Variants in DNAJC14 observed in about 807,000 individuals in gnomAD.
DNAJC14 encodes the protein dnaJ homolog subfamily C member 14.
DNAJC14 carries 12 observed loss-of-function variants against 68.8 expected under a neutral mutation model. The observed-to-expected ratio is 0.17, with a 90% confidence interval of 0.11 to 0.28. The LOEUF is 0.28. Among genes scored for constraint, DNAJC14 ranks in the 10% least tolerant of loss-of-function variants. The probability of loss-of-function intolerance (pLI) is 1.00; values close to 1 mark genes in which losing one functional copy is unlikely to be tolerated. For missense variants in DNAJC14, 764 were observed against 875.6 expected (o/e 0.87, Z 1.61); for synonymous variants, 350 against 321.5 (o/e 1.09, Z -0.95).
chr12:55,827,115 C>T lies in DNAJC14; in HGVS notation c.1407+137G>A, dbSNP rs577143833. On this transcript the variant is annotated intron_variant, in intron 2 of 6. Coordinates refer to ENST00000678005, the MANE Select transcript of DNAJC14 (RefSeq NM_032364.6). ...CTGAGGCAGGAGAATCGCTTGAACC[C>T]AGGAGGCGGAGGTTGTAGTGAGCTG... 22 of 876,536 alleles carry T rather than the reference C, an allele frequency of 2.5e-5. 1 individual carries two copies. The East Asian group carries it at 3.6e-4, about 14-fold the overall frequency. 54.3% of individuals were successfully genotyped at this position (876,536 alleles called of 1,614,324 possible).
Position 55,822,425 on chromosome 12 carries a change from G to A in DNAJC14, c.1846C>T (p.Pro616Ser), listed in dbSNP as rs748686971. 1.9e-6 allele frequency: 3 copies of A among 1,613,594 alleles called. No homozygotes were observed. Among genetic ancestry groups the A allele is most frequent in the South Asian group, 2.2e-5 (2 of 91,028 alleles). Residue 616 changes from proline (P) to serine (S), a missense_variant, in exon 6 of 7, where the codon CCC becomes TCC. Pro to Ser is a moderately conservative substitution (Grantham distance 74). This residue lies in a region of DNAJC14 where 134 missense variants were observed against 162.3 expected (regional missense o/e 0.83). Coordinates refer to ENST00000678005, the MANE Select transcript of DNAJC14 (RefSeq NM_032364.6). ...CGAGAACCAAATGAGATGTGATAGG[G>A]GACTCTGTGGGTATCTGGGGAGATA... ...VGISPDTHRV[P>S]YHISFGSRIP...
chr12:55,826,462 G>A (rs1048321854), intron 2 of DNAJC14, among the ~76,000 whole-genome samples: 1 of 151,690 alleles, frequency 6.6e-6, no homozygotes, highest in African/African-American at 2.4e-5. Flanking sequence ...TCACAGGTGT[G>A]AGCCACTGCA....
rs1880910430 is a variant in DNAJC14, at chr12:55,829,485, G to T, written c.-57+4C>A. 2 of 982,980 alleles carry T rather than the reference G, an allele frequency of 2.0e-6. No homozygotes were observed. The highest frequency in any genetic ancestry group is 2.4e-6 in the Non-Finnish European group (2 of 829,494). The allele number at this position is 982,980 out of a possible 1,614,324, so 60.9% of individuals were successfully genotyped here. ...AACGAAAAAAAAAAAAAAGACGGAC[G>T]TACCGAAGAACGGCGGTAACTCCTC... On this transcript the variant is annotated splice_donor_region_variant and intron_variant, in intron 1 of 6. Transcript: ENST00000678005.
At position 55,821,109 on chromosome 12, in the gene DNAJC14, C is replaced by T. The variant is rs1040120139; in HGVS notation, c.*868G>A. 9 of 152,614 alleles carry T rather than the reference C, an allele frequency of 5.9e-5. No homozygotes were observed. Among genetic ancestry groups the T allele is most frequent in the Non-Finnish European group, 1.2e-4 (8 of 68,034 alleles). 9.5% of individuals were successfully genotyped at this position (152,614 alleles called of 1,614,324 possible). A position where few individuals can be genotyped will look rare whatever the true frequency, so the allele number is the denominator to read the frequency against. On this transcript the variant is annotated 3_prime_UTR_variant, in exon 7 of 7. Transcript: ENST00000678005. ...TCACATGGGGGCTTCTGGGAACCCC[C>T]GTATTCTTCCCCCTCACCCAAGGGC...
chr12:55,827,836 C>G lies in DNAJC14; in HGVS notation c.823G>C (p.Ala275Pro), dbSNP rs762949402. The change falls in exon 2 of 7, where the codon GCC becomes CCC. Residue 275 changes from alanine to proline, a missense_variant. By Grantham distance (27) the Ala-to-Pro change is conservative (BLOSUM62 -1). Transcript: ENST00000678005. Reference protein sequence around the residue: ...YVETCGHLIYACRQLKSSDLD... With the variant: ...YVETCGHLIYPCRQLKSSDLD... Reference sequence around the variant, plus strand: ...TCACTGCTTTTCAGTTGCCTGCAGGCATAGATGAGATGGCCACAAGTTTCT... The same window carrying G: ...TCACTGCTTTTCAGTTGCCTGCAGGGATAGATGAGATGGCCACAAGTTTCT... 1.9e-6 allele frequency: 3 copies of G among 1,613,980 alleles called. No individual in the cohort carries two copies. The highest frequency in any genetic ancestry group is 2.2e-5 in the South Asian group (2 of 91,062).
rs754801789 is a variant in DNAJC14 at position 55,827,452 on chromosome 12, A to G, written c.1207T>C (p.Trp403Arg). Residue 403 changes from tryptophan (W) to arginine (R), a missense_variant, in exon 2 of 7, where the codon TGG becomes CGG. This residue lies in a region of DNAJC14 where 514 missense variants were observed against 521.7 expected (regional missense o/e 0.99). Transcript: ENST00000678005. ...TGCCTATTAATATTCTGCTTGACCC[A>G]AGGCAACTCCAGCCAGCCCCACTGA... ...IVQWGWLELP[W>R]VKQNINRQGN... 4 of 1,604,944 alleles carry G rather than the reference A, an allele frequency of 2.5e-6. No homozygotes were observed. Among genetic ancestry groups the G allele is most frequent in the South Asian group, 2.2e-5 (2 of 90,574 alleles).
rs187204947 is a variant in DNAJC14 at position 55,828,039 on chromosome 12, G to C, written c.620C>G (p.Thr207Ser). The C allele has an allele frequency of 3.6e-5, 58 of 1,613,178 alleles. No individual in the cohort carries two copies. In the Middle Eastern group the frequency reaches 1.2e-3, roughly 32 times the overall value. The change falls in exon 2 of 7, where the codon ACT becomes AGT. Residue 207 changes from threonine (T) to serine (S), a missense_variant. This residue lies in a region of DNAJC14 where 514 missense variants were observed against 521.7 expected (regional missense o/e 0.99). Transcript: ENST00000678005. ...QRHRFPTKED[T>S]REGGRRDPRS... Reference sequence around the variant, plus strand: ...GGGATCCCTACGTCCACCCTCCCGAGTATCCTCCTTCGTTGGAAAGCGGTG... The same window carrying C: ...GGGATCCCTACGTCCACCCTCCCGACTATCCTCCTTCGTTGGAAAGCGGTG...
chr12:55,823,102 A>G lies in DNAJC14; in HGVS notation c.1602T>C (p.Thr534=). 1 of 1,614,160 alleles carries G rather than the reference A, an allele frequency of 6.2e-7. No homozygotes were observed. The highest frequency in any genetic ancestry group is 8.5e-7 in the Non-Finnish European group (1 of 1,180,026). ...TTCCTTGGCATCGGCTACACATCATAGTATTCATTGCCTCCTTGAGGTCAT... is the reference window on the plus strand; with the variant it reads ...TTCCTTGGCATCGGCTACACATCATGGTATTCATTGCCTCCTTGAGGTCAT... ...LQDDLKEAMN[T]MMCSRCQGKH... Residue 534 remains threonine, a synonymous_variant, in exon 4 of 7, where the codon ACT becomes ACC. Coordinates refer to ENST00000678005, the MANE Select transcript of DNAJC14 (RefSeq NM_032364.6).
Position 55,827,906 on chromosome 12 carries a change from G to C in DNAJC14, c.753C>G (p.Gly251=). 6.2e-7 allele frequency: 1 copy of C among 1,607,694 alleles called. No homozygotes were observed. Among genetic ancestry groups the C allele is most frequent in the Non-Finnish European group, 8.5e-7 (1 of 1,175,370 alleles). The change falls in exon 2 of 7, where the codon GGC becomes GGG. Residue 251 remains glycine (G), a synonymous_variant. Coordinates refer to ENST00000678005, the MANE Select transcript of DNAJC14 (RefSeq NM_032364.6). ...CCAGCAGTTCAATCAGCCACCAAAA[G>C]CCTGCCTGTCCAAGTTGACATAGTT... ...AEELCQLGQA[G]FWWLIELLVL... is the part of the protein sequence containing the mutation.
rs934452891 is a variant in DNAJC14 at position 55,822,180 on chromosome 12, G to C, written c.1906C>G (p.Pro636Ala). The change falls in exon 7 of 7, where the codon CCA (proline) becomes GCA (alanine). Residue 636 changes from proline to alanine, a missense_variant. Transcript: ENST00000678005. The stretch of plus-strand genomic sequence containing the variant: ...TGAAGATCAGCAGGAGGGGCATCTG[G>C]GGTGGCTCTGAGGTAAAACAGAAGA... Reference protein sequence around the residue: ...PGTRGRQRATPDAPPADLQDF... With the variant: ...PGTRGRQRATADAPPADLQDF... The C allele has an allele frequency of 6.3e-7, 1 of 1,592,940 alleles. No homozygotes were observed. Among genetic ancestry groups the C allele is most frequent in the Non-Finnish European group, 8.5e-7 (1 of 1,169,900 alleles).
intron 2 of DNAJC14, 97 bp from the exon 3 acceptor site, chr12:55,823,605 T>G: frequency 9.6e-7 from 1 of 1,045,856 alleles, no homozygotes; most frequent in Non-Finnish European, 1.4e-6. Context: ...ATCACCCTTT[T>G]GAAGAGTCAG....
In DNAJC14 at chr12:55,828,403, C is replaced by T. The variant is rs1242489576; in HGVS notation, c.256G>A (p.Asp86Asn). 6.2e-7 allele frequency: 1 copy of T among 1,614,148 alleles called. No individual in the cohort carries two copies. The highest frequency in any genetic ancestry group is 1.7e-4 in the Middle Eastern group (1 of 6,060). The part of the protein sequence containing the change: ...GPPGGPGPPR[D>N]AEDPDQSETS... The stretch of plus-strand genomic sequence containing the variant: ...TCACTCTGATCAGGGTCCTCTGCAT[C>T]TCTAGGTGGTCCTGGACCCCCTGGG... Residue 86 changes from aspartate (D) to asparagine (N), a missense_variant, in exon 2 of 7, where the codon GAT becomes AAT. Physicochemically the swap from Asp to Asn is conservative, Grantham distance 23 (BLOSUM62 1). Coordinates refer to ENST00000678005, the MANE Select transcript of DNAJC14 (RefSeq NM_032364.6).
At position 55,827,388 on chromosome 12, in the gene DNAJC14, G is replaced by A. The variant is rs1435232976; in HGVS notation, c.1271C>T (p.Pro424Leu). Residue 424 changes from proline (P) to leucine (L), a missense_variant, in exon 2 of 7, where the codon CCT (proline) becomes CTT (leucine). By Grantham distance (98) the Pro-to-Leu change is moderately conservative. Around this residue, in one of 4 missense-constraint regions of DNAJC14, gnomAD observed 514 missense variants for 521.7 expected, o/e 0.99. Coordinates refer to ENST00000678005, the MANE Select transcript of DNAJC14 (RefSeq NM_032364.6). ...APVASGRYCQPEEEVARLLTM... is the reference protein window; with the variant it reads ...APVASGRYCQLEEEVARLLTM... Reference sequence around the variant, plus strand: ...CAAGAGTCGAGCCACTTCCTCTTCAGGCTGGCAGTAGCGCCCACTAGCTAC... The same window carrying A: ...CAAGAGTCGAGCCACTTCCTCTTCAAGCTGGCAGTAGCGCCCACTAGCTAC... 1 of 1,613,718 alleles carries A rather than the reference G, an allele frequency of 6.2e-7. No homozygotes were observed. Among genetic ancestry groups the A allele is most frequent in the East Asian group, 2.2e-5 (1 of 44,864 alleles).
chr12:55,826,405 G>A (rs1381968972), intron 2 of DNAJC14, among the ~76,000 whole-genome samples: 1 of 151,100 alleles, frequency 6.6e-6, no homozygotes, highest in Non-Finnish European at 1.5e-5. Flanking sequence ...CGAGTAGCTG[G>A]GACTACAGGC....
Position 55,827,062 on chromosome 12 carries a change from G to A in DNAJC14, c.1407+190C>T, listed in dbSNP as rs537137009. 3.6e-3 allele frequency among the ~76,000 whole-genome samples: 551 copies of A among 151,450 alleles called. 1 individual carries two copies. The highest frequency in any genetic ancestry group is 0.012 in the African/African-American group (513 of 41,262). ...AAAAATTAGCCGGGCATGGTGGCGC[G>A]CACCTGTAATCCCAGCTACTCAGGA... On this transcript the variant is annotated intron_variant, in intron 2 of 6. Coordinates refer to ENST00000678005, the MANE Select transcript of DNAJC14 (RefSeq NM_032364.6).
Position 55,829,573 on chromosome 12 carries a change from T to C in DNAJC14, c.-141A>G, listed in dbSNP as rs1880915175. 1 of 984,756 alleles carries C rather than the reference T, an allele frequency of 1.0e-6. No homozygotes were observed. 61.0% of individuals were successfully genotyped at this position (984,756 alleles called of 1,614,324 possible). On this transcript the variant is annotated 5_prime_UTR_variant, in exon 1 of 7. Coordinates refer to ENST00000678005, the MANE Select transcript of DNAJC14 (RefSeq NM_032364.6). The stretch of plus-strand genomic sequence containing the variant: ...CGAGAGCCGCTCTCCCGGCTCCGCC[T>C]CCCGCTCACGCTCTGCTTCCGCCTT...
In DNAJC14 at chr12:55,828,787, A is replaced by G; in HGVS notation, c.-56-73T>C. The G allele has an allele frequency of 2.2e-6, 3 of 1,392,416 alleles. No homozygotes were observed. In the South Asian group the frequency reaches 4.9e-5, roughly 23 times the overall value. 86.3% of individuals were successfully genotyped at this position (1,392,416 alleles called of 1,614,324 possible). Reference sequence around the variant, plus strand: ...GGAATTAAACAATCTCAAATAGTGGACACATTTAATTCATCCACCTCCCTT... The same window carrying G: ...GGAATTAAACAATCTCAAATAGTGGGCACATTTAATTCATCCACCTCCCTT... On this transcript the variant is annotated intron_variant, in intron 1 of 6. Coordinates refer to ENST00000678005, the MANE Select transcript of DNAJC14 (RefSeq NM_032364.6).
chr12:55,830,140 C>G (rs917936813), upstream of DNAJC14: 3 of 152,256 alleles, frequency 2.0e-5, no homozygotes, highest in African/African-American at 7.2e-5. Flanking sequence ...ACGGCCTCCC[C>G]CGCGCTTGAC....
intron 2 of DNAJC14, among the ~76,000 whole-genome samples, chr12:55,825,046 C>T (rs1221703811): frequency 6.6e-6 from 1 of 151,260 alleles, no homozygotes; most frequent in Non-Finnish European, 1.5e-5. Flanking sequence ...GTGGAAGCCA[C>T]CTAAGCCTGG....
Sources: allele counts gnomAD v4.1 joint callset (sites outside exome capture counted in the v4.1 genomes callset), GRCh38; gene constraint gnomAD v4.1.1; regional missense constraint gnomAD v4.1.1; transcripts MANE v1.5; gene names NCBI Gene and HGNC (gene_info 2026-07-23, HGNC 2026-07-21).